Variants in ADGRL2 observed in about 807,000 individuals in gnomAD.
ADGRL2 encodes the protein adhesion G protein-coupled receptor L2.
Under a neutral mutation model 157.4 loss-of-function variants are expected in ADGRL2, and 44 were observed. The observed-to-expected ratio is 0.28, with a 90% CI of 0.22 to 0.36. ADGRL2 has a LOEUF of 0.36. ADGRL2 is among the 10% of genes least tolerant of loss of function. The probability of loss-of-function intolerance (pLI) is 1.00; values close to 1 mark genes in which losing one functional copy is unlikely to be tolerated. For missense variants in ADGRL2, 1,510 were observed against 1,768.9 expected, an observed-to-expected ratio of 0.85 and a Z score of 2.63; for synonymous variants, 585 against 624.7, an observed-to-expected ratio of 0.94 and a Z score of 0.95.
chr1:81,679,324 G>A (rs1468442920), intron 3 of ADGRL2, among the ~76,000 whole-genome samples: 1 of 151,872 alleles, frequency 6.6e-6, no homozygotes, highest in African/African-American at 2.4e-5. Flanking sequence ...AAGGAATAAA[G>A]AGGGAAGAGT....
intron 1 of ADGRL2, among the ~76,000 whole-genome samples, chr1:81,317,233 G>T (rs545319754): frequency 6.6e-6 from 1 of 152,204 alleles, no homozygotes; most frequent in South Asian, 2.1e-4. Context: ...TAGTACCAAG[G>T]ATAAAAACCC....
intron 1 of ADGRL2, among the ~76,000 whole-genome samples, chr1:81,376,284 C>G (rs1234534987): frequency 6.6e-6 from 1 of 151,038 alleles, no homozygotes; most frequent in African/African-American, 2.4e-5. Flanking sequence ...TTTTACTTTT[C>G]ACACTTTTCC....
intron 23 of ADGRL2, 52 bp from the exon 24 acceptor site, chr1:81,990,339 T>G: frequency 6.4e-7 from 1 of 1,558,540 alleles, no homozygotes; most frequent in Non-Finnish European, 8.7e-7. Context: ...AAATAGAGTT[T>G]CTGTGGAAAG....
intron 2 of ADGRL2, among the ~76,000 whole-genome samples, chr1:81,448,825 T>G (rs988941615): frequency 6.6e-6 from 1 of 152,178 alleles, no homozygotes; most frequent in Non-Finnish European, 1.5e-5. Context: ...ACTAGATATT[T>G]GGAGACTATT....
intron 2 of ADGRL2, among the ~76,000 whole-genome samples, chr1:81,529,221 A>G (rs546506069): frequency 6.6e-6 from 1 of 152,344 alleles, no homozygotes; most frequent in East Asian, 1.9e-4. Flanking sequence ...GGGGAGGTGC[A>G]TGCAGCAAAG....
intron 1 of ADGRL2, among the ~76,000 whole-genome samples, chr1:81,761,359 G>A (rs1236087295): frequency 6.6e-6 from 1 of 151,786 alleles, no homozygotes; most frequent in Non-Finnish European, 1.5e-5. Flanking sequence ...TATGATCTCA[G>A]CGTATTTTTC....
chr1:81,806,017 A>C (rs770077), intron 1 of ADGRL2, among the ~76,000 whole-genome samples: 151,288 of 152,134 alleles, frequency 0.99, 75,233 homozygotes, highest in Middle Eastern at 1. Flanking sequence ...GTTGTAGAAG[A>C]ACTTCAGCTG....
chr1:81,786,344 G>A (rs920473650), intron 2 of ADGRL2, among the ~76,000 whole-genome samples: 22 of 152,194 alleles, frequency 1.4e-4, no homozygotes, highest in Admixed American at 7.2e-4. Context: ...TTGGGAGGCT[G>A]ACACGGGTGG....
Position 81,682,930 on chromosome 1 carries a change from G to A in ADGRL2, c.-142-78881G>A, listed in dbSNP as rs112955840. On this transcript the variant is annotated intron_variant, in intron 3 of 24. Transcript: ENST00000370721. Reference sequence around the variant, plus strand: ...GTGGATCACCTGAGGTCAGGTGCTCGAGACCAGCCTGGCCAAAATGGTGAA... The same window carrying A: ...GTGGATCACCTGAGGTCAGGTGCTCAAGACCAGCCTGGCCAAAATGGTGAA... 7.3e-3 allele frequency among the ~76,000 whole-genome samples: 1,117 copies of A among 152,234 alleles called. 9 individuals carry two copies. Among genetic ancestry groups the A allele is most frequent in the African/African-American group, 0.025 (1,053 of 41,542 alleles).
chr1:81,335,431 T>C (rs949644830), intron 1 of ADGRL2, among the ~76,000 whole-genome samples: 1 of 152,204 alleles, frequency 6.6e-6, no homozygotes. Context: ...CATTCATTAG[T>C]TATTTACACA....
intron 1 of ADGRL2, among the ~76,000 whole-genome samples, chr1:81,815,034 A>G (rs2149732084): frequency 6.6e-6 from 1 of 151,814 alleles, no homozygotes; most frequent in East Asian, 1.9e-4. Context: ...CTTTGTCTCT[A>G]ATATTTGTGT....
chr1:81,837,912 C>T (rs995178429), intron 2 of ADGRL2, among the ~76,000 whole-genome samples: 16 of 151,404 alleles, frequency 1.1e-4, no homozygotes, highest in Admixed American at 7.2e-4. Flanking sequence ...GTTATTGGCA[C>T]GAAAATGTAT....
intron 2 of ADGRL2, among the ~76,000 whole-genome samples, chr1:81,565,631 G>T (rs1486794863): frequency 6.6e-6 from 1 of 152,144 alleles, no homozygotes; most frequent in African/African-American, 2.4e-5. Context: ...TTCATTTCAT[G>T]CTGCCCCTAG....
intron 1 of ADGRL2, among the ~76,000 whole-genome samples, chr1:81,336,003 A>G (rs982481274): frequency 3.3e-5 from 5 of 152,160 alleles, no homozygotes; most frequent in Non-Finnish European, 7.3e-5. Context: ...CTCTTCAGCA[A>G]TTCCCTGTTT....
chr1:81,982,351 G>T (rs1309962444), intron 19 of ADGRL2, among the ~76,000 whole-genome samples: 1 of 151,914 alleles, frequency 6.6e-6, no homozygotes, highest in East Asian at 1.9e-4. Flanking sequence ...AAGGATAAAT[G>T]ATGTTAATTT....
intron 1 of ADGRL2, chr1:81,414,116 T>A (rs1332656342): frequency 6.6e-6 from 1 of 152,208 alleles, no homozygotes; most frequent in Non-Finnish European, 1.5e-5. Context: ...TGTATCATAT[T>A]CTTGCAAGTC....
intron 1 of ADGRL2, among the ~76,000 whole-genome samples, chr1:81,322,686 A>G (rs868409437): frequency 7.8e-4 from 118 of 152,142 alleles, no homozygotes; most frequent in African/African-American, 2.8e-3. Flanking sequence ...TTAAGGGAAA[A>G]CATTGAAAAA....
rs116623953 is a variant in ADGRL2, at chr1:81,718,472, A to C, written c.-143+18664A>C. Among the ~76,000 whole-genome samples the C allele has an allele frequency of 8.7e-3, 1,319 of 152,260 alleles. 24 individuals are homozygous for C. The highest frequency in any genetic ancestry group is 0.03 in the African/African-American group (1,254 of 41,540). On this transcript the variant is annotated intron_variant, in intron 1 of 20. Transcript: ENST00000359929. The stretch of plus-strand genomic sequence containing the variant: ...TTAGAATGTAGCATTAAAAAAAAAA[A>C]ATCCTCTGTGAAAGAAGAACAGATA...
chr1:81,359,035 G>A (rs910451737), intron 1 of ADGRL2, among the ~76,000 whole-genome samples: 2 of 151,914 alleles, frequency 1.3e-5, no homozygotes, highest in African/African-American at 4.8e-5. Flanking sequence ...AAGTTCTGCT[G>A]TGGAAGGGAC....
Sources: allele counts gnomAD v4.1 joint callset (sites outside exome capture counted in the v4.1 genomes callset), GRCh38; gene constraint gnomAD v4.1.1; transcripts MANE v1.5; gene names NCBI Gene and HGNC (gene_info 2026-07-23, HGNC 2026-07-21).